TGM6: variants seen among roughly 807,000 people sequenced by gnomAD.
TGM6 encodes protein-glutamine gamma-glutamyltransferase 6.
A neutral mutation model predicts 77.5 loss-of-function variants in TGM6; 74 were observed. That is an observed-to-expected ratio of 0.96 (90% CI 0.79 to 1.16). The LOEUF (loss-of-function observed/expected upper bound fraction) is 1.16, where lower values mean the gene tolerates loss of function less well. Among genes scored for constraint, TGM6 ranks in the 50% most tolerant of loss-of-function variants. The probability of loss-of-function intolerance (pLI) is 0.00; values close to 1 mark genes in which losing one functional copy is unlikely to be tolerated. For synonymous variants in TGM6, 383 were observed against 378.9 expected, an observed-to-expected ratio of 1.01 and a Z score of -0.12; for missense variants, 968 against 940.2, an observed-to-expected ratio of 1.03 and a Z score of -0.39.
At chr20:2,430,364 A>C (rs2084916011) in intron 10 of TGM6, 82 bp from the exon 11 acceptor site, 14 of 1,541,050 alleles carry the variant, frequency 9.1e-6, no homozygotes, top group Non-Finnish European at 1.3e-5. Context: ...AGGAGCTATT[A>C]GTTGTGCATT....
intron 9 of TGM6, among the ~76,000 whole-genome samples, chr20:2,404,229 C>T (rs1035888365): frequency 2.0e-4 from 31 of 152,178 alleles, no homozygotes; most frequent in African/African-American, 7.0e-4. Context: ...ATAATAGCAT[C>T]TCCTGTTTAG....
At chr20:2,420,102 G>C (rs143729833) in intron 10 of TGM6, among the ~76,000 whole-genome samples, 2 of 152,030 alleles carry the variant, frequency 1.3e-5, no homozygotes, top group African/African-American at 4.8e-5. Context: ...AAAATTAGCC[G>C]GGCGTGGCGG....
In TGM6 at chr20:2,397,915, C is replaced by A. The variant is rs945666162; in HGVS notation, c.544-3C>A. 1.1e-5 allele frequency: 18 copies of A among 1,614,104 alleles called. No homozygotes were observed. Among genetic ancestry groups the A allele is most frequent in the Non-Finnish European group, 1.5e-5 (18 of 1,180,008 alleles). On this transcript the variant is annotated splice_region_variant and splice_polypyrimidine_tract_variant and intron_variant, in intron 4 of 12. Transcript: ENST00000202625. ...CTCTAAGCACAGCCTCTCTGGGGAG[C>A]AGTTTGAGGAGGACATCCTGAACAT...
intron 1 of TGM6, among the ~76,000 whole-genome samples, chr20:2,382,153 G>A (rs1016030966): frequency 6.6e-6 from 1 of 152,166 alleles, no homozygotes; most frequent in African/African-American, 2.4e-5. Context: ...AACTTTCAAA[G>A]GCAGATATTT....
rs78585943 is a variant in TGM6, at chr20:2,387,885, A to G, written c.8-6567A>G. On this transcript the variant is annotated intron_variant, in intron 1 of 12. Transcript: ENST00000202625. ...GGCTCAGTCCCATGGCTTCCAGATA[A>G]TTCTGTCTGTCAGCTGGGAGCTCAG... Among the ~76,000 whole-genome samples, 1,461 of 152,216 alleles carry G rather than the reference A, an allele frequency of 9.6e-3. 29 individuals carry two copies. The highest frequency in any genetic ancestry group is 0.032 in the African/African-American group (1,334 of 41,526).
chr20:2,429,300 GC>G (rs1271827090), intron 10 of TGM6, among the ~76,000 whole-genome samples: 1 of 152,082 alleles, frequency 6.6e-6, no homozygotes, highest in Non-Finnish European at 1.5e-5. Flanking sequence ...GCCAAGTTGA[GC>G]CCTTTAAGGA....
At chr20:2,381,020 G>A (rs376397734) in intron 1 of TGM6, 45 bp downstream of exon 1, 3 of 1,605,376 alleles carry the variant, frequency 1.9e-6, no homozygotes, top group Admixed American at 1.7e-5. Context: ...GGGCTCATGA[G>A]GGGGGCTTCA....
At position 2,396,523 on chromosome 20, in the gene TGM6, G is replaced by T; in HGVS notation, c.442G>T (p.Ala148Ser). 3 of 1,614,186 alleles carry T rather than the reference G, an allele frequency of 1.9e-6. No individual in the cohort carries two copies. The highest frequency in any genetic ancestry group is 2.5e-6 in the Non-Finnish European group (3 of 1,180,016). ...PWCAEDDVFL[A>S]SEEERQEYVL... ...CTTTTCAGAGGACGATGTGTTTCTGGCCTCAGAGGAGGAGAGACAGGAGTA... is the reference window on the plus strand; with the variant it reads ...CTTTTCAGAGGACGATGTGTTTCTGTCCTCAGAGGAGGAGAGACAGGAGTA... The change falls in exon 4 of 13, where the codon GCC (alanine) becomes TCC (serine). Residue 148 changes from alanine (A) to serine (S), a missense_variant. Transcript: ENST00000202625.
At chr20:2,385,026 T>C (rs2084584959) in intron 1 of TGM6, among the ~76,000 whole-genome samples, 1 of 152,152 alleles carries the variant, frequency 6.6e-6, no homozygotes, top group Admixed American at 6.5e-5. Context: ...ATGCTGCCTC[T>C]CCCATCCCCT....
chr20:2,389,117 G>A (rs1403150141), intron 1 of TGM6, among the ~76,000 whole-genome samples: 2 of 152,124 alleles, frequency 1.3e-5, no homozygotes, highest in Non-Finnish European at 2.9e-5. Context: ...TAACTTCTGA[G>A]GTTAGGTCAT....
At chr20:2,428,224 T>A (rs2084901638) in intron 10 of TGM6, among the ~76,000 whole-genome samples, 1 of 152,210 alleles carries the variant, frequency 6.6e-6, no homozygotes, top group African/African-American at 2.4e-5. Context: ...GGATGAAATA[T>A]TCTGCAGATG....
intron 5 of TGM6, among the ~76,000 whole-genome samples, chr20:2,399,156 A>AG (rs142906482): frequency 0.52 from 76,056 of 146,466 alleles, 19,994 homozygotes; most frequent in Non-Finnish European, 0.54. Flanking sequence ...AAAAAAAAAA[A>AG]AGAATAATGA....
At chr20:2,400,604 T>A (rs947860289) in intron 7 of TGM6, among the ~76,000 whole-genome samples, 160 bp downstream of exon 7, 2 of 152,010 alleles carry the variant, frequency 1.3e-5, no homozygotes, top group Admixed American at 6.6e-5. Context: ...CTGCGGATAG[T>A]GGTGCCTCTT....
chr20:2,414,474 T>C (rs2084802396), intron 9 of TGM6, among the ~76,000 whole-genome samples: 1 of 152,202 alleles, frequency 6.6e-6, no homozygotes. Context: ...AAATTTACAA[T>C]TGTGCAGCCA....
chr20:2,395,785 CTTA>C (rs1230190877), intron 3 of TGM6, among the ~76,000 whole-genome samples: 1 of 152,208 alleles, frequency 6.6e-6, no homozygotes, highest in East Asian at 1.9e-4. Context: ...GTGCCTACCT[CTTA>C]TGACTATGGT....
intron 4 of TGM6, among the ~76,000 whole-genome samples, chr20:2,397,003 C>T (rs770354896): frequency 1.2e-4 from 19 of 152,292 alleles, no homozygotes; most frequent in Non-Finnish European, 2.5e-4. Context: ...CGTTTCTAAC[C>T]AGTTCCCAGG....
chr20:2,408,514 G>C (rs1340077824), intron 9 of TGM6, among the ~76,000 whole-genome samples: 1 of 152,188 alleles, frequency 6.6e-6, no homozygotes, highest in Non-Finnish European at 1.5e-5. Context: ...AAGCCTGACT[G>C]TTTTGTTCAT....
intron 3 of TGM6, among the ~76,000 whole-genome samples, chr20:2,396,301 A>G (rs752745709): frequency 1.3e-5 from 2 of 152,138 alleles, no homozygotes; most frequent in Admixed American, 6.5e-5. Flanking sequence ...CTCTTTTGGG[A>G]TTGGTCCCTG....
rs180944527 is a variant in TGM6 at position 2,431,944 on chromosome 20, G to T, written c.1968-546G>T. Among the ~76,000 whole-genome samples the T allele has an allele frequency of 8.3e-4, 126 of 152,364 alleles. 2 individuals are homozygous for T. Among genetic ancestry groups the T allele is most frequent in the South Asian group, 5.4e-3 (26 of 4,826 alleles). ...GGAACAGAGCAGATGAAAGCCCAGAGGGGGGAAGTTCAGGGCACAGACAGA... is the reference window on the plus strand; with the variant it reads ...GGAACAGAGCAGATGAAAGCCCAGATGGGGGAAGTTCAGGGCACAGACAGA... On this transcript the variant is annotated intron_variant, in intron 12 of 12. Coordinates refer to ENST00000202625, the MANE Select transcript of TGM6 (RefSeq NM_198994.3).
Sources: gnomAD v4.1 joint callset for allele counts (sites outside exome capture counted in the v4.1 genomes callset) on GRCh38, gnomAD v4.1.1 for gene constraint, MANE v1.5 for transcripts, NCBI Gene and HGNC (gene_info 2026-07-23, HGNC 2026-07-21) for gene names.